Variants in MARCHF5 observed in about 807,000 individuals in gnomAD.
MARCHF5 encodes membrane associated ring-CH-type finger 5.
Under a neutral mutation model 36.5 loss-of-function variants are expected in MARCHF5, and 5 were observed. That is an observed-to-expected ratio of 0.14 (90% CI 0.07 to 0.29). The LOEUF (loss-of-function observed/expected upper bound fraction) is 0.29. Among genes scored for constraint, MARCHF5 ranks in the 10% least tolerant of loss-of-function variants. The pLI is 1.00. For missense variants in MARCHF5, 179 were observed against 336.3 expected (o/e 0.53, Z 3.66); for synonymous variants, 103 against 109.9 (o/e 0.94, Z 0.39).
chr10:92,316,044 G>GT (rs1233642502), intron 2 of MARCHF5, among the ~76,000 whole-genome samples: 1 of 152,152 alleles, frequency 6.6e-6, no homozygotes, highest in Non-Finnish European at 1.5e-5. Flanking sequence ...ACTGCCATTG[G>GT]TCCCCAAAGA....
intron 1 of MARCHF5, among the ~76,000 whole-genome samples, chr10:92,306,897 C>T (rs112013844): frequency 1.4e-4 from 21 of 152,102 alleles, no homozygotes; most frequent in African/African-American, 4.3e-4. Context: ...GCCTGTAGTC[C>T]CAGTTACTAG....
intron 2 of MARCHF5, among the ~76,000 whole-genome samples, chr10:92,320,059 T>A (rs1009256078): frequency 4.0e-5 from 6 of 150,128 alleles, no homozygotes; most frequent in Non-Finnish European, 5.9e-5. Flanking sequence ...GCAAAAAAAA[T>A]TTTTTTAATA....
At chr10:92,302,674 C>G (rs1348638321) in intron 1 of MARCHF5, among the ~76,000 whole-genome samples, 1 of 152,096 alleles carries the variant, frequency 6.6e-6, no homozygotes, top group Non-Finnish European at 1.5e-5. Context: ...CAACTCCTGA[C>G]CTCAGGTGAT....
intron 2 of MARCHF5, among the ~76,000 whole-genome samples, chr10:92,318,182 T>C (rs1172253326): frequency 1.3e-5 from 2 of 152,112 alleles, no homozygotes; most frequent in Non-Finnish European, 2.9e-5. Flanking sequence ...ATCCCAGCAC[T>C]TTGGGAGGCT....
chr10:92,291,502 A>C lies in MARCHF5; in HGVS notation c.8A>C (p.Asp3Ala), dbSNP rs1437981876. 2 of 1,548,302 alleles carry C rather than the reference A, an allele frequency of 1.3e-6. No individual in the cohort carries two copies. Among genetic ancestry groups the C allele is most frequent in the Non-Finnish European group, 1.7e-6 (2 of 1,145,890 alleles). Reference sequence around the variant, plus strand: ...GCGCCGGCTCCGCGGAAGATGCCGGACCAAGCCCTACAGCAGATGCTGGAC... The same window carrying C: ...GCGCCGGCTCCGCGGAAGATGCCGGCCCAAGCCCTACAGCAGATGCTGGAC... MP[D>A]QALQQMLDRS... Residue 3 changes from aspartate (D) to alanine (A), a missense_variant, in exon 1 of 6, where the codon GAC (aspartate) becomes GCC (alanine). Around this residue, in one of 3 missense-constraint regions of MARCHF5, gnomAD observed 18 missense variants for 16.3 expected, o/e 1.11. Coordinates refer to ENST00000358935, the MANE Select transcript of MARCHF5 (RefSeq NM_017824.5).
At chr10:92,304,882 A>G (rs1363051306) in intron 1 of MARCHF5, among the ~76,000 whole-genome samples, 2 of 152,156 alleles carry the variant, frequency 1.3e-5, no homozygotes, top group East Asian at 3.9e-4. Flanking sequence ...CATTAAACCT[A>G]TGTAGTTAGC....
rs146825359 is a variant in MARCHF5 at position 92,353,598 on chromosome 10, T to C, written c.*2391T>C. 4 of 152,576 alleles carry C rather than the reference T, an allele frequency of 2.6e-5. No individual in the cohort carries two copies. Among genetic ancestry groups the C allele is most frequent in the East Asian group, 1.9e-4 (1 of 5,186 alleles). The allele number at this position is 152,576 out of a possible 1,614,324, so 9.5% of individuals were successfully genotyped here. A position where few individuals can be genotyped will look rare whatever the true frequency, so the allele number is the denominator to read the frequency against. On this transcript the variant is annotated 3_prime_UTR_variant, in exon 6 of 6. Transcript: ENST00000358935. Reference sequence around the variant, plus strand: ...TAAATGGAGAGGTAAAAGAAAGGCATTGGGGACAAATGAAAGAGATGATGT... The same window carrying C: ...TAAATGGAGAGGTAAAAGAAAGGCACTGGGGACAAATGAAAGAGATGATGT...
At position 92,352,389 on chromosome 10, in the gene MARCHF5, T is replaced by G. The variant is rs2135225421; in HGVS notation, c.*1182T>G. The G allele has an allele frequency of 6.6e-6, 1 of 152,358 alleles. No homozygotes were observed. Among genetic ancestry groups the G allele is most frequent in the East Asian group, 1.9e-4 (1 of 5,188 alleles). The allele number at this position is 152,358 out of a possible 1,614,324, so 9.4% of individuals were successfully genotyped here. The stretch of plus-strand genomic sequence containing the variant: ...CAACACTAATGTTTTTAGATTTTAA[T>G]TGTCCTATTGATGAGGCTAGCACCT... On this transcript the variant is annotated 3_prime_UTR_variant, in exon 6 of 6. Coordinates refer to ENST00000358935, the MANE Select transcript of MARCHF5 (RefSeq NM_017824.5).
chr10:92,297,303 A>ACTACTGGTGTGCACCAG (rs1564941556), intron 1 of MARCHF5, among the ~76,000 whole-genome samples: 1 of 151,346 alleles, frequency 6.6e-6, no homozygotes, highest in Non-Finnish European at 1.5e-5. Flanking sequence ...AGTAGCTGGG[A>ACTACTGGTGTGCACCAG]CTACTGGTGT....
chr10:92,347,512 A>AGATGGAT (rs869056649), intron 3 of MARCHF5, among the ~76,000 whole-genome samples: 3 of 42,182 alleles, frequency 7.1e-5, no homozygotes, highest in Non-Finnish European at 1.0e-4. Context: ...ATAGATAGAT[A>AGATGGAT]GATAGATAGA....
chr10:92,295,310 C>CTT (rs1554945659), intron 1 of MARCHF5, among the ~76,000 whole-genome samples: 3 of 26,242 alleles, frequency 1.1e-4, no homozygotes, highest in Admixed American at 5.5e-4. Flanking sequence ...CTAGAGGCAA[C>CTT]TTTTCTTTTT....
At chr10:92,298,999 G>A (rs1842980353) in intron 1 of MARCHF5, among the ~76,000 whole-genome samples, 2 of 151,062 alleles carry the variant, frequency 1.3e-5, no homozygotes, top group African/African-American at 4.9e-5. Context: ...TTTTTTGGTG[G>A]GGAGGGGGAT....
At chr10:92,315,851 T>A (rs1039692767) in intron 2 of MARCHF5, among the ~76,000 whole-genome samples, 10 of 152,216 alleles carry the variant, frequency 6.6e-5, no homozygotes, top group Non-Finnish European at 1.0e-4. Context: ...TTTTCCTTAT[T>A]ATGATAGTGT....
At position 92,351,116 on chromosome 10, in the gene MARCHF5, A is replaced by T; in HGVS notation, c.746A>T (p.Lys249Ile). The T allele has an allele frequency of 6.2e-7, 1 of 1,612,122 alleles. No individual in the cohort carries two copies. Among genetic ancestry groups the T allele is most frequent in the Non-Finnish European group, 8.5e-7 (1 of 1,178,850 alleles). The change falls in exon 6 of 6, where the codon AAA (lysine) becomes ATA (isoleucine). Residue 249 changes from lysine to isoleucine, a missense_variant. This residue lies in a region of MARCHF5 where 95 missense variants were observed against 139.5 expected (regional missense o/e 0.68). Coordinates refer to ENST00000358935, the MANE Select transcript of MARCHF5 (RefSeq NM_017824.5). ...ILGGIAFVAI[K>I]GAFKVYFKQQ... is the part of the protein sequence containing the mutation. ...GGTGGAATTGCGTTTGTTGCCATAA[A>T]AGGAGCATTTAAAGTTTACTTCAAA... is the stretch of plus-strand genomic sequence containing the variant.
chr10:92,292,223 G>A (rs78712855), intron 1 of MARCHF5, among the ~76,000 whole-genome samples: 3 of 152,040 alleles, frequency 2.0e-5, no homozygotes, highest in African/African-American at 7.2e-5. Flanking sequence ...TTCTTGGGGG[G>A]CCCCAGTCGG....
At position 92,331,490 on chromosome 10, in the gene MARCHF5, A is replaced by G. The variant is rs1317203788; in HGVS notation, c.239-9183A>G. Among the ~76,000 whole-genome samples the G allele has an allele frequency of 2.6e-5, 4 of 152,032 alleles. No individual in the cohort carries two copies. The East Asian group carries it at 5.8e-4, about 22-fold the overall frequency. On this transcript the variant is annotated intron_variant, in intron 2 of 5. Transcript: ENST00000358935. Reference sequence around the variant, plus strand: ...TCTGTATAGTTTGTACCATACTATCATATCTTTATTAATTTTGCATTGGAA... The same window carrying G: ...TCTGTATAGTTTGTACCATACTATCGTATCTTTATTAATTTTGCATTGGAA...
chr10:92,311,387 TA>T (rs1564945302), intron 2 of MARCHF5, 50 bp downstream of exon 2: 1 of 1,269,084 alleles, frequency 7.9e-7, no homozygotes, highest in African/African-American at 1.5e-5. Flanking sequence ...TTATTATATA[TA>T]ACTTTATAAG....
At chr10:92,350,078 A>G in intron 5 of MARCHF5, 2 of 436,160 alleles carry the variant, frequency 4.6e-6, no homozygotes, top group Non-Finnish European at 8.1e-6. Flanking sequence ...TGCATGAATC[A>G]TCACACCTGT....
intron 2 of MARCHF5, among the ~76,000 whole-genome samples, chr10:92,320,125 C>T (rs958144024): frequency 2.0e-5 from 3 of 151,752 alleles, no homozygotes; most frequent in Non-Finnish European, 4.4e-5. Context: ...ATGATCATAG[C>T]TCATTGTAAT....
Sources: gnomAD v4.1 joint callset for allele counts (sites outside exome capture counted in the v4.1 genomes callset) on GRCh38, gnomAD v4.1.1 for gene constraint, gnomAD v4.1.1 regional missense constraint, MANE v1.5 for transcripts, NCBI Gene and HGNC (gene_info 2026-07-23, HGNC 2026-07-21) for gene names.